Variants in FOXN3 observed in about 807,000 individuals in gnomAD.
FOXN3 encodes the protein forkhead box protein N3.
A neutral mutation model predicts 38.4 loss-of-function variants in FOXN3; 7 were observed. The ratio of observed to expected loss-of-function variants is 0.18; its 90% CI spans 0.10 to 0.34. The LOEUF (loss-of-function observed/expected upper bound fraction) is 0.34, where lower values mean the gene tolerates loss of function less well. Ranked by LOEUF, FOXN3 falls within the 10% of genes least tolerant of loss-of-function variation. The pLI, the probability that FOXN3 is intolerant of heterozygous loss-of-function variation, is 1.00. For missense variants in FOXN3, 456 were observed against 613.4 expected, an observed-to-expected ratio of 0.74 and a Z score of 2.71; for synonymous variants, 230 against 242.2, an observed-to-expected ratio of 0.95 and a Z score of 0.47.
intron 5 of FOXN3, among the ~76,000 whole-genome samples, chr14:89,168,348 T>C (rs945597495): frequency 6.6e-6 from 1 of 152,116 alleles, no homozygotes; most frequent in African/African-American, 2.4e-5. Context: ...ATTAAAAACA[T>C]CAATGCAAAG....
chr14:89,391,011 G>C (rs1890929067), intron 2 of FOXN3, among the ~76,000 whole-genome samples: 1 of 152,196 alleles, frequency 6.6e-6, no homozygotes. Flanking sequence ...GTTAACGGTA[G>C]ATCCAGCCCA....
chr14:89,404,115 A>G (rs1211045072), intron 2 of FOXN3, among the ~76,000 whole-genome samples: 1 of 152,176 alleles, frequency 6.6e-6, no homozygotes, highest in Admixed American at 6.5e-5. Context: ...GAATGAGCAG[A>G]CAAATGAAAG....
intron 4 of FOXN3, among the ~76,000 whole-genome samples, chr14:89,222,150 G>A (rs1320286462): frequency 1.3e-5 from 2 of 152,142 alleles, no homozygotes; most frequent in Admixed American, 6.5e-5. Context: ...AGTTGTCACC[G>A]TGGAAACCCA....
At chr14:89,498,206 CTCTCTTTTTTTT>C (rs1259653130) in intron 1 of FOXN3, among the ~76,000 whole-genome samples, 2 of 133,018 alleles carry the variant, frequency 1.5e-5, no homozygotes, top group African/African-American at 6.0e-5. Context: ...CTCTCTCTCT[CTCTCTTTTTTTT>C]TTTTTTTTTT....
intron 4 of FOXN3, among the ~76,000 whole-genome samples, chr14:89,256,262 T>C (rs564833869): frequency 7.9e-5 from 12 of 152,290 alleles, no homozygotes; most frequent in African/African-American, 2.4e-4. Flanking sequence ...CTCTCTCATA[T>C]GAAAATCAAT....
intron 1 of FOXN3, among the ~76,000 whole-genome samples, chr14:89,563,555 G>C (rs968118859): frequency 6.6e-6 from 1 of 152,126 alleles, no homozygotes; most frequent in Non-Finnish European, 1.5e-5. Context: ...TTCCTGTTTG[G>C]GTTGTCCAGG....
Position 89,162,296 on chromosome 14 carries a change from C to G in FOXN3, c.*118G>C. On this transcript the variant is annotated 3_prime_UTR_variant, in exon 6 of 6. Transcript: ENST00000557258. The surrounding 1 kb of genome is among the most constrained non-coding windows in gnomAD (Gnocchi z 7.2). ...TAAAAGGAAAAGAAAAGAAAGAAAACCAAACCAAAAACAAGAAAAAAGAAA... is the reference window on the plus strand; with the variant it reads ...TAAAAGGAAAAGAAAAGAAAGAAAAGCAAACCAAAAACAAGAAAAAAGAAA... 2 of 846,434 alleles carry G rather than the reference C, an allele frequency of 2.4e-6. No individual in the cohort carries two copies. Among genetic ancestry groups the G allele is most frequent in the Non-Finnish European group, 3.5e-6 (2 of 577,772 alleles). 52.4% of individuals were successfully genotyped at this position (846,434 alleles called of 1,614,324 possible). A position where few individuals can be genotyped will look rare whatever the true frequency, so the allele number is the denominator to read the frequency against.
chr14:89,366,838 G>A (rs1234880222), intron 2 of FOXN3, among the ~76,000 whole-genome samples: 2 of 152,162 alleles, frequency 1.3e-5, no homozygotes, highest in Non-Finnish European at 2.9e-5. Context: ...GATGCCCTTG[G>A]TTGGATTACA....
Position 89,602,583 on chromosome 14 carries a change from G to A in FOXN3, c.-15+16445C>T, listed in dbSNP as rs561316719. Among the ~76,000 whole-genome samples the A allele has an allele frequency of 1.7e-4, 26 of 151,428 alleles. 2 individuals carry two copies. The highest frequency in any genetic ancestry group is 5.3e-4 in the Admixed American group (8 of 15,208). On this transcript the variant is annotated intron_variant, in intron 1 of 6. Coordinates refer to the FOXN3 transcript ENST00000345097. ...GCGATCTCGGCTCACTGCAACCTCCGCCCCCCGAGTTCAAGTGATTCTCCT... is the reference window on the plus strand; with the variant it reads ...GCGATCTCGGCTCACTGCAACCTCCACCCCCCGAGTTCAAGTGATTCTCCT...
chr14:89,513,859 G>C (rs1352355302), intron 1 of FOXN3, among the ~76,000 whole-genome samples: 1 of 151,752 alleles, frequency 6.6e-6, no homozygotes, highest in Non-Finnish European at 1.5e-5. Flanking sequence ...CCTATCCACT[G>C]TTACACCAAT....
At position 89,451,540 on chromosome 14, in the gene FOXN3, C is replaced by T. The variant is rs148304886; in HGVS notation, c.-14-39050G>A. Among the ~76,000 whole-genome samples, 8 of 152,248 alleles carry T rather than the reference C, an allele frequency of 5.3e-5. No homozygotes were observed. The East Asian group carries it at 9.6e-4, about 18-fold the overall frequency. On this transcript the variant is annotated intron_variant, in intron 1 of 6. Coordinates refer to the FOXN3 transcript ENST00000345097. The stretch of plus-strand genomic sequence containing the variant: ...GATATAATTTCAGTTCTTCGTGTTA[C>T]GTGTCAGTAACTTGTCACCTTGCAG...
intron 1 of FOXN3, among the ~76,000 whole-genome samples, chr14:89,578,179 C>T (rs187520510): frequency 6.6e-6 from 1 of 152,276 alleles, no homozygotes; most frequent in Admixed American, 6.5e-5. Flanking sequence ...ATGAATGATA[C>T]TTTTCCATTA....
chr14:89,464,810 G>A (rs1365559657), intron 1 of FOXN3, among the ~76,000 whole-genome samples: 2 of 152,132 alleles, frequency 1.3e-5, no homozygotes, highest in Admixed American at 6.6e-5. Flanking sequence ...CGATTCTCCT[G>A]CCTCAGCCTC....
At chr14:89,169,313 T>C (rs547270608) in intron 5 of FOXN3, among the ~76,000 whole-genome samples, 2 of 152,210 alleles carry the variant, frequency 1.3e-5, no homozygotes, top group African/African-American at 4.8e-5. Context: ...TGGTGGTGCA[T>C]GCCTGTAGTC....
chr14:89,367,552 G>T (rs934899053), intron 2 of FOXN3, among the ~76,000 whole-genome samples: 1 of 152,154 alleles, frequency 6.6e-6, no homozygotes, highest in Non-Finnish European at 1.5e-5. Context: ...GAGGACAGGG[G>T]TGCCAGGGAA....
chr14:89,388,860 CT>C (rs1485872714), intron 2 of FOXN3, among the ~76,000 whole-genome samples: 1 of 151,958 alleles, frequency 6.6e-6, no homozygotes, highest in African/African-American at 2.4e-5. Flanking sequence ...GGAGACGAGG[CT>C]GCTACCAGTG....
chr14:89,582,835 C>T (rs973327084), intron 1 of FOXN3, among the ~76,000 whole-genome samples: 1 of 152,172 alleles, frequency 6.6e-6, no homozygotes, highest in East Asian at 1.9e-4. Context: ...GATGAGTCTG[C>T]ATTTTCTATA....
At chr14:89,211,241 A>C (rs1023096474) in intron 4 of FOXN3, among the ~76,000 whole-genome samples, 1 of 152,220 alleles carries the variant, frequency 6.6e-6, no homozygotes, top group South Asian at 2.1e-4. Flanking sequence ...TTGCAAGTAA[A>C]TTCATTTTTA....
Position 89,305,464 on chromosome 14 carries a change from G to A in FOXN3, c.681-24450C>T, listed in dbSNP as rs552793519. Among the ~76,000 whole-genome samples, 6 of 152,340 alleles carry A rather than the reference G, an allele frequency of 3.9e-5. No homozygotes were observed. In the East Asian group the frequency reaches 1.2e-3, roughly 29 times the overall value. ...AAGCTATAAATTTGAGCAGCACACT[G>A]AGGTTATATTAGCATAGGAATTTAT... On this transcript the variant is annotated intron_variant, in intron 3 of 5. Transcript: ENST00000557258.
Sources: allele counts gnomAD v4.1 joint callset (sites outside exome capture counted in the v4.1 genomes callset), GRCh38; gene constraint gnomAD v4.1.1; non-coding constraint Gnocchi (gnomAD v3.1); transcripts MANE v1.5; gene names NCBI Gene and HGNC (gene_info 2026-07-23, HGNC 2026-07-21).